PRPF39: variants seen among roughly 807,000 people sequenced by gnomAD.
PRPF39 encodes pre-mRNA-processing factor 39.
A neutral mutation model predicts 82.1 loss-of-function variants in PRPF39; 27 were observed. The ratio of observed to expected loss-of-function variants is 0.33; its 90% CI spans 0.24 to 0.45. PRPF39 has a LOEUF of 0.45. Ranked by LOEUF, PRPF39 falls within the 20% of genes least tolerant of loss-of-function variation. The probability of loss-of-function intolerance (pLI) is 1.00; values close to 1 mark genes in which losing one functional copy is unlikely to be tolerated. For synonymous variants in PRPF39, 261 were observed against 256.4 expected (o/e 1.02, Z -0.17); for missense variants, 581 against 796.9 (o/e 0.73, Z 3.26).
rs1018300468 is a variant in PRPF39 at position 45,110,528 on chromosome 14, A to G, written c.1304-21A>G. 2 of 1,543,842 alleles carry G rather than the reference A, an allele frequency of 1.3e-6. No homozygotes were observed. The highest frequency in any genetic ancestry group is 8.8e-7 in the Non-Finnish European group (1 of 1,141,086). ...TTTGGTTGTTTAAACCAAAGCATAA[A>G]CATTTAATTACTGTTTCTAGGTAAT... On this transcript the variant is annotated intron_variant, in intron 9 of 13. Coordinates refer to ENST00000355765, the MANE Select transcript of PRPF39 (RefSeq NM_017922.4). This position sits in a 1 kb window ranked among gnomAD's most constrained non-coding sequence, Gnocchi z 4.0.
chr14:45,108,607 G>A (rs534322471), intron 7 of PRPF39, 85 bp downstream of exon 7: 3 of 1,448,684 alleles, frequency 2.1e-6, no homozygotes, highest in Non-Finnish European at 2.7e-6. Context: ...TACTATCTCT[G>A]TTGTAACTTT....
intron 5 of PRPF39, 95 bp from the exon 6 acceptor site, chr14:45,107,356 A>G (rs1884566452): frequency 1.0e-6 from 1 of 993,254 alleles, no homozygotes; most frequent in African/African-American, 1.7e-5. Context: ...TCTTTTTTAA[A>G]TCAAATCCTT....
At chr14:45,111,587 C>T (rs1884697207) in intron 10 of PRPF39, among the ~76,000 whole-genome samples, 1 of 150,488 alleles carries the variant, frequency 6.6e-6, no homozygotes, top group Non-Finnish European at 1.5e-5. Flanking sequence ...CTGCCTCGGC[C>T]TCCCAAAGTG....
intron 4 of PRPF39, among the ~76,000 whole-genome samples, chr14:45,100,693 G>A (rs988204831): frequency 1.3e-5 from 2 of 152,244 alleles, no homozygotes; most frequent in Admixed American, 1.3e-4. Flanking sequence ...GCACATGCAT[G>A]CATGCACAGA....
chr14:45,089,526 T>C (rs1594722849), intron 1 of PRPF39, among the ~76,000 whole-genome samples: 1 of 152,208 alleles, frequency 6.6e-6, no homozygotes, highest in Non-Finnish European at 1.5e-5. Context: ...TGGAGTGCAG[T>C]GGCACGATCA....
chr14:45,108,994 CCA>C (rs889591478), intron 7 of PRPF39, among the ~76,000 whole-genome samples: 22 of 152,118 alleles, frequency 1.4e-4, no homozygotes, highest in African/African-American at 5.3e-4. Context: ...ACAACCATCA[CCA>C]CAGTCAATTT....
At chr14:45,090,206 A>G (rs58826926) in intron 1 of PRPF39, among the ~76,000 whole-genome samples, 24,616 of 152,216 alleles carry the variant, frequency 0.16, 3,679 homozygotes, top group African/African-American at 0.4. Context: ...TTAAAGGAAG[A>G]GGGAAAAAGA....
chr14:45,110,836 A>G lies in PRPF39; in HGVS notation c.1572+19A>G. On this transcript the variant is annotated intron_variant, in intron 10 of 13. Coordinates refer to ENST00000355765, the MANE Select transcript of PRPF39 (RefSeq NM_017922.4). The surrounding 1 kb of genome is among the most constrained non-coding windows in gnomAD (Gnocchi z 4.0). ...AGACAAAGTATGCATTTGTATTTTT[A>G]AGAGTATCTTCTATTAAAAAAACCA... 1 of 1,534,850 alleles carries G rather than the reference A, an allele frequency of 6.5e-7. No homozygotes were observed. The highest frequency in any genetic ancestry group is 8.8e-7 in the Non-Finnish European group (1 of 1,137,058).
intron 1 of PRPF39, among the ~76,000 whole-genome samples, chr14:45,092,600 C>CAAA (rs775755309): frequency 2.9e-4 from 15 of 51,442 alleles, no homozygotes; most frequent in East Asian, 1.9e-3. Flanking sequence ...GACTCTGTCT[C>CAAA]AAAAAAAAAA....
intron 3 of PRPF39, chr14:45,096,622 CTG>C (rs1884209192): frequency 6.8e-7 from 1 of 1,477,506 alleles, no homozygotes; most frequent in African/African-American, 1.4e-5. Flanking sequence ...TCTAATGGGT[CTG>C]TGCCCTATGG....
At chr14:45,113,816 G>C (rs1469683747) in intron 11 of PRPF39, among the ~76,000 whole-genome samples, 1 of 152,178 alleles carries the variant, frequency 6.6e-6, no homozygotes, top group African/African-American at 2.4e-5. Context: ...TTTTTGTGAA[G>C]TAGTGGAAGC....
intron 1 of PRPF39, among the ~76,000 whole-genome samples, chr14:45,089,122 T>G (rs1490563513): frequency 1.3e-5 from 2 of 152,244 alleles, no homozygotes. Context: ...ATTTGTCTGT[T>G]TTTGCTTTTG....
At chr14:45,084,773 A>G (rs957789010) in intron 1 of PRPF39, among the ~76,000 whole-genome samples, 2 of 152,148 alleles carry the variant, frequency 1.3e-5, no homozygotes, top group Non-Finnish European at 2.9e-5. Context: ...AACAGAAAAA[A>G]CACATCATTG....
chr14:45,091,058 C>CT (rs141090138), intron 1 of PRPF39, among the ~76,000 whole-genome samples: 15,664 of 151,166 alleles, frequency 0.1, 1,152 homozygotes, highest in African/African-American at 0.2. Flanking sequence ...CTTTCTTTTT[C>CT]TTTTTCCTTG....
At chr14:45,085,157 C>T (rs1426344087) in intron 1 of PRPF39, among the ~76,000 whole-genome samples, 1 of 152,144 alleles carries the variant, frequency 6.6e-6, no homozygotes, top group African/African-American at 2.4e-5. Flanking sequence ...TGTATGGGAG[C>T]TTGAATGGAG....
At chr14:45,107,771 A>G (rs901427222) in intron 6 of PRPF39, among the ~76,000 whole-genome samples, 155 bp downstream of exon 6, 1 of 152,188 alleles carries the variant, frequency 6.6e-6, no homozygotes, top group Non-Finnish European at 1.5e-5. Context: ...TATACTAAAC[A>G]TACAAAAATT....
chr14:45,102,597 T>C lies in PRPF39; in HGVS notation c.638T>C (p.Ile213Thr). Residue 213 changes from isoleucine to threonine, a missense_variant, in exon 5 of 14, where the codon ATA becomes ACA. Physicochemically the swap from Ile to Thr is moderately conservative, Grantham distance 89. Transcript: ENST00000355765. ...TCTGACAGACTGTGGGAAATGTATA[T>C]AAACTGGGAAAATGAGCAGGGAAAC... ...FRSDRLWEMY[I>T]NWENEQGNLR... 6.2e-7 allele frequency: 1 copy of C among 1,611,860 alleles called. No individual in the cohort carries two copies. The highest frequency in any genetic ancestry group is 8.5e-7 in the Non-Finnish European group (1 of 1,178,472).
chr14:45,114,003 A>G (rs185731476), intron 11 of PRPF39, among the ~76,000 whole-genome samples, 180 bp from the exon 12 acceptor site: 34 of 152,336 alleles, frequency 2.2e-4, no homozygotes, highest in African/African-American at 7.0e-4. Context: ...TTAGTCCATT[A>G]TAAGTATAGG....
chr14:45,091,261 C>G (rs370454393), intron 1 of PRPF39, among the ~76,000 whole-genome samples: 2 of 152,144 alleles, frequency 1.3e-5, no homozygotes, highest in South Asian at 2.1e-4. Context: ...CCACCCCAGC[C>G]TCCTCAGTAG....
Sources: allele counts gnomAD v4.1 joint callset (sites outside exome capture counted in the v4.1 genomes callset), GRCh38; gene constraint gnomAD v4.1.1; non-coding constraint Gnocchi (gnomAD v3.1); transcripts MANE v1.5; gene names NCBI Gene and HGNC (gene_info 2026-07-23, HGNC 2026-07-21).